Variants in RGS5 observed in about 807,000 individuals in gnomAD.
The protein encoded by RGS5 is regulator of G-protein signalling 5.
A neutral mutation model predicts 18.9 loss-of-function variants in RGS5; 20 were observed. The observed-to-expected ratio is 1.06, with a 90% CI of 0.74 to 1.54. RGS5 has a LOEUF of 1.54. Among genes scored for constraint, RGS5 ranks in the 40% most tolerant of loss-of-function variants. RGS5 has a pLI of 0.00. For missense variants in RGS5, 201 were observed against 211.8 expected (o/e 0.95, Z 0.32); for synonymous variants, 57 against 76.2 (o/e 0.75, Z 1.31).
At chr1:163,178,988 TC>T (rs1314663504) in intron 1 of RGS5, among the ~76,000 whole-genome samples, 13 of 152,122 alleles carry the variant, frequency 8.5e-5, no homozygotes, top group Admixed American at 8.5e-4. Flanking sequence ...TGTTAAATCT[TC>T]CCCACATTTG....
rs78480884 is a variant in RGS5, at chr1:163,197,864, A to G, written c.44+4928T>C. 5.9e-3 allele frequency among the ~76,000 whole-genome samples: 899 copies of G among 152,234 alleles called. 9 individuals carry two copies. Among genetic ancestry groups the G allele is most frequent in the African/African-American group, 0.021 (852 of 41,526 alleles). On this transcript the variant is annotated intron_variant, in intron 1 of 4. Transcript: ENST00000313961. ...CTTTGATGGTCCTCAATTCATTCCA[A>G]TTGAGCTATCAGTTGTTCAAGCTAA... is the stretch of plus-strand genomic sequence containing the variant.
At chr1:163,244,751 A>T (rs1259051307) in intron 2 of RGS5, 4 of 152,208 alleles carry the variant, frequency 2.6e-5, no homozygotes, top group Non-Finnish European at 5.9e-5. Context: ...TTCTGTGATG[A>T]ATCACAGAAG....
intron 2 of RGS5, among the ~76,000 whole-genome samples, chr1:163,269,839 A>G (rs1239787123): frequency 2.0e-5 from 3 of 152,214 alleles, no homozygotes; most frequent in Non-Finnish European, 4.4e-5. Flanking sequence ...TGTCTTTTCT[A>G]GAATGATCTC....
At chr1:163,194,589 C>G (rs554441719) in intron 1 of RGS5, among the ~76,000 whole-genome samples, 2 of 152,136 alleles carry the variant, frequency 1.3e-5, no homozygotes, top group African/African-American at 4.8e-5. Flanking sequence ...CCTGTATTCC[C>G]TATCTAGTAC....
At chr1:163,161,844 A>G in intron 3 of RGS5, 71 bp downstream of exon 3, 1 of 1,139,262 alleles carries the variant, frequency 8.8e-7, no homozygotes. Flanking sequence ...GAACACAGGT[A>G]ATACAAAGAT....
At position 163,154,306 on chromosome 1, in the gene RGS5, C is replaced by T. The variant is rs184951943; in HGVS notation, c.218-1590G>A. ...ATATAGTTATCCATTTTCAATTTAC[C>T]TCCTGTATATTTTTACTCTTCTCAT... On this transcript the variant is annotated intron_variant, in intron 3 of 4. Coordinates refer to ENST00000313961, the MANE Select transcript of RGS5 (RefSeq NM_003617.4). 2.4e-3 allele frequency among the ~76,000 whole-genome samples: 369 copies of T among 152,088 alleles called. 2 individuals are homozygous for T. The highest frequency in any genetic ancestry group is 0.017 in the Middle Eastern group (5 of 292).
At chr1:163,306,265 T>C (rs1346757588) in exon 2 of RGS5, 2 of 152,220 alleles carry the variant, frequency 1.3e-5, no homozygotes, top group Admixed American at 1.3e-4. Flanking sequence ...GTGTCACCAA[T>C]TCAGTTAACT....
intron 1 of RGS5, among the ~76,000 whole-genome samples, chr1:163,182,736 T>C (rs1658907161): frequency 6.6e-6 from 1 of 152,198 alleles, no homozygotes; most frequent in Non-Finnish European, 1.5e-5. Flanking sequence ...TTATGGTTTA[T>C]TTTGAGTTCC....
intron 1 of RGS5, among the ~76,000 whole-genome samples, chr1:163,191,409 C>G (rs932561529): frequency 2.0e-5 from 3 of 152,014 alleles, no homozygotes; most frequent in African/African-American, 7.3e-5. Context: ...AAGGAACACA[C>G]AGTATAGCCT....
intron 1 of RGS5, among the ~76,000 whole-genome samples, chr1:163,314,361 A>T (rs1433701940): frequency 3.3e-5 from 5 of 152,172 alleles, no homozygotes; most frequent in African/African-American, 1.2e-4. Flanking sequence ...TTATATAGAA[A>T]TGCATAGACT....
At chr1:163,251,301 T>C (rs531678388) in intron 2 of RGS5, among the ~76,000 whole-genome samples, 18 of 152,316 alleles carry the variant, frequency 1.2e-4, no homozygotes, top group African/African-American at 4.3e-4. Context: ...ATAGATTTGC[T>C]CTGTCTTCAA....
intron 2 of RGS5, among the ~76,000 whole-genome samples, chr1:163,271,936 C>A (rs1231218779): frequency 6.6e-6 from 1 of 152,098 alleles, no homozygotes; most frequent in Admixed American, 6.6e-5. Flanking sequence ...CCATCTGCTC[C>A]ATTTCCTCAA....
intron 2 of RGS5, among the ~76,000 whole-genome samples, chr1:163,271,517 T>C (rs1182604432): frequency 6.6e-6 from 1 of 152,188 alleles, no homozygotes; most frequent in Non-Finnish European, 1.5e-5. Flanking sequence ...TCTTGAACTC[T>C]GCAGCCTACA....
chr1:163,257,183 AG>A (rs1557921898), intron 2 of RGS5, among the ~76,000 whole-genome samples: 1 of 152,154 alleles, frequency 6.6e-6, no homozygotes, highest in Non-Finnish European at 1.5e-5. Context: ...TTAAAGAATA[AG>A]ATGTGGTTTT....
intron 2 of RGS5, among the ~76,000 whole-genome samples, chr1:163,232,991 C>T (rs1347396198): frequency 3.3e-5 from 5 of 152,030 alleles, no homozygotes; most frequent in African/African-American, 1.2e-4. Flanking sequence ...GTCATTTTTT[C>T]CCTCTTATTC....
intron 1 of RGS5, among the ~76,000 whole-genome samples, chr1:163,171,287 T>A (rs575943967): frequency 2.0e-5 from 3 of 152,178 alleles, no homozygotes; most frequent in Non-Finnish European, 4.4e-5. Context: ...TGCTGACTAA[T>A]GTGCAGTATT....
chr1:163,175,167 C>T (rs1393164736), intron 1 of RGS5, among the ~76,000 whole-genome samples: 1 of 152,032 alleles, frequency 6.6e-6, no homozygotes, highest in Non-Finnish European at 1.5e-5. Flanking sequence ...ACTCGCTAGC[C>T]GTCAATGTCC....
At chr1:163,215,377 A>T (rs960258648) in intron 1 of RGS5, among the ~76,000 whole-genome samples, 1 of 152,168 alleles carries the variant, frequency 6.6e-6, no homozygotes, top group Non-Finnish European at 1.5e-5. Flanking sequence ...CTTCATCTAT[A>T]AGATATAGTT....
intron 2 of RGS5, among the ~76,000 whole-genome samples, chr1:163,163,687 T>A (rs370696472): frequency 2.1e-4 from 32 of 152,196 alleles, no homozygotes; most frequent in Middle Eastern, 3.2e-3. Flanking sequence ...ACATCTTACC[T>A]TCTTCACTAT....
Sources: gnomAD v4.1 joint callset for allele counts (sites outside exome capture counted in the v4.1 genomes callset) on GRCh38, gnomAD v4.1.1 for gene constraint, MANE v1.5 for transcripts, NCBI Gene and HGNC (gene_info 2026-07-23, HGNC 2026-07-21) for gene names.